The following STARD13 variants were observed in gnomAD, a reference collection of about 807,000 sequenced individuals.
STARD13 encodes stAR-related lipid transfer protein 13.
Under a neutral mutation model 106.4 loss-of-function variants are expected in STARD13, and 62 were observed. That is an observed-to-expected ratio of 0.58 (90% CI 0.48 to 0.72). The LOEUF is 0.72. Among genes scored for constraint, STARD13 ranks in the 30% least tolerant of loss-of-function variants. STARD13 has a pLI of 0.00. For missense variants in STARD13, 1,387 were observed against 1,424.0 expected, an observed-to-expected ratio of 0.97 and a Z score of 0.42; for synonymous variants, 565 against 553.0, an observed-to-expected ratio of 1.02 and a Z score of -0.31.
the STARD13 span, among the ~76,000 whole-genome samples, chr13:33,481,102 C>T: frequency 8.6e-5 from 13 of 151,338 alleles, no homozygotes; most frequent in South Asian, 2.1e-4. Flanking sequence ...TAGAGGATCT[C>T]GGTGGATAAG....
At chr13:33,149,863 C>G (rs76882581) in intron 3 of STARD13, among the ~76,000 whole-genome samples, 4,892 of 152,264 alleles carry the variant, frequency 0.032, 266 homozygotes, top group African/African-American at 0.11. Flanking sequence ...GTGAGTGAAG[C>G]CAATCTGCAT....
At chr13:33,178,375 G>C in intron 1 of STARD13, among the ~76,000 whole-genome samples, 1 of 152,242 alleles carries the variant, frequency 6.6e-6, no homozygotes, top group Middle Eastern at 3.4e-3. Context: ...TTCTTTGGAG[G>C]CTTTCATTCT....
At chr13:33,112,431 A>G (rs185248705) in intron 9 of STARD13, among the ~76,000 whole-genome samples, 1 of 152,284 alleles carries the variant, frequency 6.6e-6, no homozygotes, top group Admixed American at 6.5e-5. Context: ...TCTATCTATA[A>G]TCTATTATCT....
chr13:33,478,563 C>T, the STARD13 span, among the ~76,000 whole-genome samples: 4 of 151,450 alleles, frequency 2.6e-5, no homozygotes, highest in African/African-American at 4.9e-5. Flanking sequence ...TTCAATGTGT[C>T]CAATGTTATC....
At chr13:33,593,413 G>A in the STARD13 span, among the ~76,000 whole-genome samples, 1 of 152,106 alleles carries the variant, frequency 6.6e-6, no homozygotes, top group South Asian at 2.1e-4. Flanking sequence ...TCAAACTCCT[G>A]ACCTCAGGTG....
At chr13:33,513,860 C>T in the STARD13 span, among the ~76,000 whole-genome samples, 2 of 152,070 alleles carry the variant, frequency 1.3e-5, no homozygotes. Flanking sequence ...TTAATGAAGT[C>T]CCCACTAATC....
intron 3 of STARD13, among the ~76,000 whole-genome samples, chr13:33,146,542 C>A (rs2138256593): frequency 6.6e-6 from 1 of 152,126 alleles, no homozygotes; most frequent in Middle Eastern, 3.4e-3. Context: ...GTACATTTCA[C>A]AAAATTAATC....
the STARD13 span, among the ~76,000 whole-genome samples, chr13:33,521,461 CT>C: frequency 6.6e-6 from 1 of 152,090 alleles, no homozygotes; most frequent in Non-Finnish European, 1.5e-5. Flanking sequence ...GAAACAGAAT[CT>C]ATTGTCTATC....
At chr13:33,356,297 C>T in the STARD13 span, among the ~76,000 whole-genome samples, 15 of 152,150 alleles carry the variant, frequency 9.9e-5, no homozygotes, top group Admixed American at 2.6e-4. Flanking sequence ...ATTAGCATAT[C>T]GATTTAGGTA....
At chr13:33,610,067 T>C in the STARD13 span, among the ~76,000 whole-genome samples, 20,631 of 152,230 alleles carry the variant, frequency 0.14, 2,217 homozygotes, top group African/African-American at 0.29. Context: ...TTTACATTGA[T>C]ATTCACAATG....
At chr13:33,348,881 A>G (rs1359820582) in exon 2 of STARD13, 1 of 442,320 alleles carries the variant, frequency 2.3e-6, no homozygotes. Context: ...TGGAATGAAC[A>G]TTGTATGCTT....
the STARD13 span, among the ~76,000 whole-genome samples, chr13:33,394,066 T>C: frequency 6.6e-6 from 1 of 152,202 alleles, no homozygotes; most frequent in African/African-American, 2.4e-5. Flanking sequence ...AGAACTTGCA[T>C]AGTAAAGAAA....
chr13:33,496,777 T>A, the STARD13 span, among the ~76,000 whole-genome samples: 2 of 152,122 alleles, frequency 1.3e-5, no homozygotes, highest in Non-Finnish European at 2.9e-5. Context: ...GCTGTTTTTT[T>A]AAACAAAGAA....
intron 1 of STARD13, among the ~76,000 whole-genome samples, chr13:33,172,686 T>TTGAAA (rs1884108980): frequency 6.6e-6 from 1 of 152,228 alleles, no homozygotes; most frequent in Admixed American, 6.5e-5. Context: ...TTTCTCAGCA[T>TTGAAA]AGCAAATACT....
At chr13:33,309,852 G>A (rs993764881) in intron 1 of STARD13, among the ~76,000 whole-genome samples, 1 of 152,170 alleles carries the variant, frequency 6.6e-6, no homozygotes, top group Admixed American at 6.5e-5. Context: ...AGAGGGATTG[G>A]GGATGGGGAA....
chr13:33,607,550 C>T, the STARD13 span, among the ~76,000 whole-genome samples: 2 of 152,014 alleles, frequency 1.3e-5, no homozygotes. Context: ...CCTGCCTCAG[C>T]CTCCCAAAGT....
chr13:33,436,168 C>T, the STARD13 span, among the ~76,000 whole-genome samples: 1 of 152,048 alleles, frequency 6.6e-6, no homozygotes, highest in Admixed American at 6.5e-5. Flanking sequence ...AAGAGTTGTC[C>T]CTATTGCCCT....
chr13:33,582,171 G>A, the STARD13 span, among the ~76,000 whole-genome samples: 5 of 150,532 alleles, frequency 3.3e-5, no homozygotes, highest in African/African-American at 7.4e-5. Flanking sequence ...GCAGTGAGCC[G>A]AGATCACGTC....
At chr13:33,427,812 G>T in the STARD13 span, among the ~76,000 whole-genome samples, 3 of 151,944 alleles carry the variant, frequency 2.0e-5, no homozygotes, top group Non-Finnish European at 2.9e-5. Flanking sequence ...AAAATTAGCC[G>T]GGCGTGGTGA....
Sources: gnomAD v4.1 joint callset for allele counts (sites outside exome capture counted in the v4.1 genomes callset) on GRCh38, gnomAD v4.1.1 for gene constraint, MANE v1.5 for transcripts, NCBI Gene and HGNC (gene_info 2026-07-23, HGNC 2026-07-21) for gene names.